XPO1: variants seen among roughly 807,000 people sequenced by gnomAD.
The protein encoded by XPO1 is exportin-1.
Under a neutral mutation model 133.3 loss-of-function variants are expected in XPO1, and 5 were observed. The ratio of observed to expected loss-of-function variants is 0.04; its 90% CI spans 0.02 to 0.08. XPO1 has a LOEUF of 0.08. Ranked by LOEUF, XPO1 falls within the 10% of genes least tolerant of loss-of-function variation. The pLI is 1.00. For missense variants in XPO1, 506 were observed against 1,267.5 expected, an observed-to-expected ratio of 0.40 and a Z score of 9.12; for synonymous variants, 419 against 408.2, an observed-to-expected ratio of 1.03 and a Z score of -0.32.
rs539687412 is a variant in XPO1, at chr2:61,495,519, G to A, written c.983C>T (p.Thr328Ile). Residue 328 changes from threonine to isoleucine, a missense_variant, in exon 11 of 25, where the codon ACC becomes ATC. By Grantham distance (89) the Thr-to-Ile change is moderately conservative. Transcript: ENST00000401558. Reference sequence around the variant, plus strand: ...AAGTTGATCATGTTCCTTAAGAAAGGTGCAGAGAAACAAACTGAGATTTTG... The same window carrying A: ...AAGTTGATCATGTTCCTTAAGAAAGATGCAGAGAAACAAACTGAGATTTTG... ...FIQNLSLFLC[T>I]FLKEHDQLIE... 8 of 1,594,150 alleles carry A rather than the reference G, an allele frequency of 5.0e-6. No homozygotes were observed. The highest frequency in any genetic ancestry group is 2.7e-5 in the African/African-American group (2 of 74,676).
intron 9 of XPO1, among the ~76,000 whole-genome samples, chr2:61,497,968 C>T (rs1242907834): frequency 6.6e-6 from 1 of 152,096 alleles, no homozygotes; most frequent in Non-Finnish European, 1.5e-5. Flanking sequence ...AACTAAACTA[C>T]GAAGTTGAAG....
intron 1 of XPO1, among the ~76,000 whole-genome samples, chr2:61,535,495 G>A (rs975197899): frequency 2.0e-5 from 3 of 151,970 alleles, no homozygotes; most frequent in African/African-American, 4.8e-5. Flanking sequence ...AGCTTGGCAG[G>A]GCGGAAAAAA....
chr2:61,481,559 G>A (rs1259141899), intron 23 of XPO1, among the ~76,000 whole-genome samples: 1 of 151,882 alleles, frequency 6.6e-6, no homozygotes, highest in Non-Finnish European at 1.5e-5. Flanking sequence ...CTATTCTCCT[G>A]CCTCAGCCTC....
intron 4 of XPO1, among the ~76,000 whole-genome samples, chr2:61,504,610 T>A (rs548013716): frequency 1.3e-5 from 2 of 152,312 alleles, no homozygotes; most frequent in African/African-American, 4.8e-5. Context: ...AAGCCTCATC[T>A]GGCATATATA....
intron 4 of XPO1, among the ~76,000 whole-genome samples, chr2:61,506,686 C>CAAATAAATAAATAAAT (rs202036818): frequency 2.7e-5 from 4 of 149,446 alleles, no homozygotes; most frequent in African/African-American, 7.4e-5. Context: ...GACTCCACCT[C>CAAATAAATAAATAAAT]AAATAAATAA....
chr2:61,486,046 G>T, intron 19 of XPO1, 84 bp from the exon 20 acceptor site: 1 of 1,235,550 alleles, frequency 8.1e-7, no homozygotes, highest in South Asian at 1.6e-5. Flanking sequence ...CTGTCTATGA[G>T]ATGTAGCATG....
intron 6 of XPO1, 79 bp from the exon 7 acceptor site, chr2:61,499,973 G>T: frequency 7.3e-7 from 1 of 1,363,034 alleles, no homozygotes; most frequent in South Asian, 1.3e-5. Context: ...ATTATGTAAT[G>T]GATAAAGGCA....
intron 1 of XPO1, chr2:61,534,313 T>C (rs572814148): frequency 2.5e-4 from 38 of 153,486 alleles, no homozygotes; most frequent in South Asian, 1.6e-3. Flanking sequence ...TTTTCTTTTC[T>C]TCCCAAGTAG....
rs187951155 is a variant in XPO1 at position 61,478,317 on chromosome 2, A to G, written c.*503T>C. Reference sequence around the variant, plus strand: ...TCTTGCCAAAGAGACTTTGTAATACATGTAGTCTAGACAAACGATTCAGTC... The same window carrying G: ...TCTTGCCAAAGAGACTTTGTAATACGTGTAGTCTAGACAAACGATTCAGTC... On this transcript the variant is annotated 3_prime_UTR_variant, in exon 25 of 25. Transcript: ENST00000401558. 4.4e-4 allele frequency: 103 copies of G among 234,286 alleles called. No homozygotes were observed. In the East Asian group the frequency reaches 6.1e-3, roughly 14 times the overall value. The allele number at this position is 234,286 out of a possible 1,614,324, so 14.5% of individuals were successfully genotyped here. A position where few individuals can be genotyped will look rare whatever the true frequency, so the allele number is the denominator to read the frequency against.
intron 2 of XPO1, among the ~76,000 whole-genome samples, chr2:61,527,466 T>G (rs1231813350): frequency 1.3e-5 from 2 of 151,854 alleles, no homozygotes; most frequent in Admixed American, 6.6e-5. Context: ...TCAGCCTGGG[T>G]GAAAGAGCAG....
At chr2:61,526,212 G>T in intron 3 of XPO1, 1 of 1,362,922 alleles carries the variant, frequency 7.3e-7, no homozygotes, top group South Asian at 1.8e-5. Context: ...AAGCCACCTT[G>T]CATACTAGTC....
At chr2:61,535,935 C>T (rs1451007602) in intron 1 of XPO1, among the ~76,000 whole-genome samples, 1 of 152,168 alleles carries the variant, frequency 6.6e-6, no homozygotes, top group Non-Finnish European at 1.5e-5. Flanking sequence ...AAAGCAATGT[C>T]CACAAAGCAC....
At chr2:61,537,269 G>T (rs1299135841) in intron 1 of XPO1, among the ~76,000 whole-genome samples, 3 of 151,316 alleles carry the variant, frequency 2.0e-5, no homozygotes, top group Non-Finnish European at 4.4e-5. Context: ...CACCCCGCGC[G>T]GGGCCCCGCT....
At chr2:61,501,566 AC>A (rs1697520780) in intron 6 of XPO1, among the ~76,000 whole-genome samples, 1 of 152,000 alleles carries the variant, frequency 6.6e-6, no homozygotes. Flanking sequence ...TACTAAAAAT[AC>A]AAAAAATTAG....
In XPO1 at chr2:61,489,704, C is replaced by T. The variant is rs369642183; in HGVS notation, c.2023-933G>A. The stretch of plus-strand genomic sequence containing the variant: ...TGAGTAGCTGGGACTTACAGGCGCC[C>T]GCCGCCACACTCAGCTAATTTTTGT... On this transcript the variant is annotated intron_variant, in intron 17 of 24. Coordinates refer to ENST00000401558, the MANE Select transcript of XPO1 (RefSeq NM_003400.4). Among the ~76,000 whole-genome samples, 6 of 150,510 alleles carry T rather than the reference C, an allele frequency of 4.0e-5. No individual in the cohort carries two copies. The East Asian group carries it at 8.2e-4, about 20-fold the overall frequency.
intron 24 of XPO1, among the ~76,000 whole-genome samples, chr2:61,479,622 C>T (rs189383220): frequency 1.3e-5 from 2 of 152,298 alleles, no homozygotes. Flanking sequence ...GAGTCTTGTT[C>T]TGTAGCCCCA....
At chr2:61,503,429 ATT>A (rs879493202) in intron 4 of XPO1, among the ~76,000 whole-genome samples, 1 of 131,240 alleles carries the variant, frequency 7.6e-6, no homozygotes, top group Admixed American at 7.5e-5. Flanking sequence ...TCCAGCTACT[ATT>A]TTTTTTTTTT....
At chr2:61,508,950 G>T (rs184155593) in intron 4 of XPO1, among the ~76,000 whole-genome samples, 3 of 152,034 alleles carry the variant, frequency 2.0e-5, no homozygotes, top group Non-Finnish European at 4.4e-5. Flanking sequence ...TAATTTTCAC[G>T]TACAGTTTAA....
rs1696163119 is a variant in XPO1 at position 61,478,367 on chromosome 2, G to A, written c.*453C>T. ...CCAAGAGGTGCTAACTTCAGACAAT[G>A]CAGCACTATAATCCTTTAAACAACG... On this transcript the variant is annotated 3_prime_UTR_variant, in exon 25 of 25. Coordinates refer to ENST00000401558, the MANE Select transcript of XPO1 (RefSeq NM_003400.4). The A allele has an allele frequency of 4.1e-6, 1 of 243,004 alleles. No individual in the cohort carries two copies. The highest frequency in any genetic ancestry group is 1.6e-4 in the South Asian group (1 of 6,272). 15.1% of individuals were successfully genotyped at this position (243,004 alleles called of 1,614,324 possible).
Sources: allele counts gnomAD v4.1 joint callset (sites outside exome capture counted in the v4.1 genomes callset), GRCh38; gene constraint gnomAD v4.1.1; transcripts MANE v1.5; gene names NCBI Gene and HGNC (gene_info 2026-07-23, HGNC 2026-07-21).